Variants in SEMA5A observed in about 807,000 individuals in gnomAD.
SEMA5A encodes semaphorin-5A.
A neutral mutation model predicts 135.5 loss-of-function variants in SEMA5A; 55 were observed. That is an observed-to-expected ratio of 0.41 (90% CI 0.33 to 0.51). The LOEUF is 0.51. SEMA5A is among the 20% of genes least tolerant of loss of function. The pLI is 0.37. For missense variants in SEMA5A, 1,290 were observed against 1,419.9 expected, an observed-to-expected ratio of 0.91 and a Z score of 1.47; for synonymous variants, 580 against 546.5, an observed-to-expected ratio of 1.06 and a Z score of -0.85.
intron 1 of SEMA5A, among the ~76,000 whole-genome samples, chr5:9,526,891 C>A (rs773973825): frequency 6.6e-6 from 1 of 152,198 alleles, no homozygotes; most frequent in Non-Finnish European, 1.5e-5. Flanking sequence ...GTAAAAGATG[C>A]TGGAGTTTTT....
intron 5 of SEMA5A, among the ~76,000 whole-genome samples, chr5:9,242,282 T>C (rs1298308997): frequency 6.6e-6 from 1 of 152,220 alleles, no homozygotes; most frequent in Admixed American, 6.5e-5. Context: ...AATACCTTCA[T>C]GGTCACACGT....
chr5:9,285,426 C>T (rs775763012), intron 5 of SEMA5A, among the ~76,000 whole-genome samples: 16 of 152,194 alleles, frequency 1.1e-4, no homozygotes, highest in Non-Finnish European at 2.1e-4. Flanking sequence ...ACAAAAATGC[C>T]TAGAGCCCTT....
intron 16 of SEMA5A, among the ~76,000 whole-genome samples, chr5:9,076,746 A>G (rs538023409): frequency 5.0e-4 from 76 of 152,294 alleles, no homozygotes; most frequent in South Asian, 2.3e-3. Context: ...CAGTATTTGT[A>G]GATAAATGCT....
intron 16 of SEMA5A, among the ~76,000 whole-genome samples, chr5:9,095,945 C>A (rs1430464242): frequency 1.3e-5 from 2 of 152,130 alleles, no homozygotes; most frequent in African/African-American, 2.4e-5. Flanking sequence ...GATTATATTG[C>A]GTATTGCAAA....
At chr5:9,162,450 ATATATATGTG>A (rs1743316411) in intron 11 of SEMA5A, among the ~76,000 whole-genome samples, 3 of 55,148 alleles carry the variant, frequency 5.4e-5, no homozygotes, top group East Asian at 5.0e-4. Context: ...GTGTATGTGT[ATATATATGTG>A]TGTGTATATA....
chr5:9,051,302 G>A (rs150053045), intron 20 of SEMA5A, among the ~76,000 whole-genome samples: 141 of 152,286 alleles, frequency 9.3e-4, no homozygotes, highest in South Asian at 1.7e-3. Flanking sequence ...GGACATATGC[G>A]CAATGATCTA....
intron 18 of SEMA5A, among the ~76,000 whole-genome samples, chr5:9,061,779 A>G (rs748987360): frequency 2.2e-4 from 34 of 152,178 alleles, no homozygotes; most frequent in Admixed American, 5.9e-4. Flanking sequence ...ACCCAGAAAA[A>G]CAGCTCTGCT....
chr5:9,184,350 A>G (rs1339100122), intron 11 of SEMA5A, among the ~76,000 whole-genome samples: 1 of 151,820 alleles, frequency 6.6e-6, no homozygotes, highest in Non-Finnish European at 1.5e-5. Context: ...CTGAATTAAT[A>G]TTGCACAAAT....
chr5:9,264,092 T>A (rs1249550982), intron 5 of SEMA5A, among the ~76,000 whole-genome samples: 4 of 152,208 alleles, frequency 2.6e-5, no homozygotes, highest in Non-Finnish European at 4.4e-5. Context: ...TATAAGTGAA[T>A]CCAAATTCAA....
intron 16 of SEMA5A, among the ~76,000 whole-genome samples, chr5:9,104,690 T>C (rs1256678347): frequency 2.0e-5 from 3 of 152,170 alleles, no homozygotes; most frequent in Admixed American, 6.5e-5. Flanking sequence ...AGGTCAAATC[T>C]CACAGTGACT....
chr5:9,321,896 A>G (rs1411270713), intron 4 of SEMA5A, among the ~76,000 whole-genome samples: 1 of 152,220 alleles, frequency 6.6e-6, no homozygotes, highest in Non-Finnish European at 1.5e-5. Flanking sequence ...ATCTGTCTCC[A>G]GAAACTTTCT....
Position 9,388,621 on chromosome 5 carries a change from C to T in SEMA5A, c.-77-8598G>A, listed in dbSNP as rs139886404. Among the ~76,000 whole-genome samples the T allele has an allele frequency of 6.6e-3, 1,007 of 152,188 alleles. 13 individuals are homozygous for T. The highest frequency in any genetic ancestry group is 0.024 in the African/African-American group (979 of 41,556). On this transcript the variant is annotated intron_variant, in intron 2 of 22. Transcript: ENST00000382496. Reference sequence around the variant, plus strand: ...ACACTAAAATATTCCAGTTATAGGCCGCGCGTGGTGGCTCACGCCTGTAAT... The same window carrying T: ...ACACTAAAATATTCCAGTTATAGGCTGCGCGTGGTGGCTCACGCCTGTAAT...
In SEMA5A at chr5:9,146,016, G is replaced by A. The variant is rs532995819; in HGVS notation, c.1481+8472C>T. Among the ~76,000 whole-genome samples, 3 of 152,214 alleles carry A rather than the reference G, an allele frequency of 2.0e-5. No homozygotes were observed. In the South Asian group the frequency reaches 6.2e-4, roughly 32 times the overall value. ...ACTGAAGTACAAACAGTTGGTAATA[G>A]ATTTTCAAACTTTACCCAGCTGACT... is the stretch of plus-strand genomic sequence containing the variant. On this transcript the variant is annotated intron_variant, in intron 12 of 22. Coordinates refer to ENST00000382496, the MANE Select transcript of SEMA5A (RefSeq NM_003966.3).
Position 9,197,298 on chromosome 5 carries a change from C to T in SEMA5A, c.938G>A (p.Ser313Asn). The T allele has an allele frequency of 6.2e-7, 1 of 1,609,380 alleles. No homozygotes were observed. The highest frequency in any genetic ancestry group is 8.5e-7 in the Non-Finnish European group (1 of 1,178,804). ...IYGIFTTNVN[S>N]IAASAVCVFN... ...GACGCACACAGCTGAGGCCGCAATG[C>T]TGTTCCTGGGAGCGGAGGGAGAGAG... Residue 313 changes from serine (S) to asparagine (N), a missense_variant, in exon 10 of 23, where the codon AGC becomes AAC. Ser to Asn is a conservative substitution (Grantham distance 46). This residue lies in a region of SEMA5A where 1,029 missense variants were observed against 1,086.6 expected (regional missense o/e 0.95). Coordinates refer to ENST00000382496, the MANE Select transcript of SEMA5A (RefSeq NM_003966.3).
chr5:9,291,094 A>G (rs1751052865), intron 5 of SEMA5A, among the ~76,000 whole-genome samples: 6 of 152,160 alleles, frequency 3.9e-5, no homozygotes, highest in Admixed American at 2.0e-4. Context: ...TTTTCTTTCC[A>G]TCCGTCTCTT....
intron 1 of SEMA5A, among the ~76,000 whole-genome samples, chr5:9,485,204 A>T (rs1734630619): frequency 1.3e-5 from 2 of 151,914 alleles, no homozygotes; most frequent in Non-Finnish European, 1.5e-5. Flanking sequence ...TGGGACCATG[A>T]TGGCCATCTG....
At chr5:9,490,220 A>G (rs1218954247) in intron 1 of SEMA5A, among the ~76,000 whole-genome samples, 1 of 152,180 alleles carries the variant, frequency 6.6e-6, no homozygotes, top group Non-Finnish European at 1.5e-5. Context: ...ATTTGAGAAT[A>G]CTAAAACAGG....
intron 3 of SEMA5A, among the ~76,000 whole-genome samples, chr5:9,366,389 ATTC>A (rs1169674633): frequency 2.6e-5 from 4 of 151,042 alleles, no homozygotes; most frequent in Non-Finnish European, 5.9e-5. Flanking sequence ...GCAATAAAGA[ATTC>A]TTTTTTTTTT....
intron 3 of SEMA5A, among the ~76,000 whole-genome samples, chr5:9,349,680 A>G (rs547004104): frequency 2.6e-5 from 4 of 152,236 alleles, no homozygotes; most frequent in South Asian, 2.1e-4. Flanking sequence ...AGGGTGGTTC[A>G]CTTGAGGTCA....
Sources: allele counts gnomAD v4.1 joint callset (sites outside exome capture counted in the v4.1 genomes callset), GRCh38; gene constraint gnomAD v4.1.1; regional missense constraint gnomAD v4.1.1; transcripts MANE v1.5; gene names NCBI Gene and HGNC (gene_info 2026-07-23, HGNC 2026-07-21).